Variants in CCZ1 observed in about 807,000 individuals in gnomAD.
CCZ1 encodes vacuolar fusion protein CCZ1 homolog.
Under a neutral mutation model 57.8 loss-of-function variants are expected in CCZ1, and 19 were observed. The observed-to-expected ratio is 0.33, with a 90% CI of 0.23 to 0.48. CCZ1 has a LOEUF of 0.48. Among genes scored for constraint, CCZ1 ranks in the 20% least tolerant of loss-of-function variants. CCZ1 has a pLI of 0.99. For missense variants in CCZ1, 200 were observed against 492.0 expected, an observed-to-expected ratio of 0.41 and a Z score of 5.61; for synonymous variants, 81 against 167.0, an observed-to-expected ratio of 0.49 and a Z score of 3.97.
intron 10 of CCZ1, among the ~76,000 whole-genome samples, chr7:5,916,510 T>G (rs143500248): frequency 0.018 from 241 of 13,312 alleles, 6 homozygotes; most frequent in African/African-American, 0.049. Flanking sequence ...TTTTTGTTTT[T>G]TTTTTTTTTG....
At chr7:5,906,418 G>A (rs1307201886) in intron 7 of CCZ1, among the ~76,000 whole-genome samples, 4 of 146,872 alleles carry the variant, frequency 2.7e-5, no homozygotes, top group Non-Finnish European at 4.5e-5. Context: ...CCCTTCCTGG[G>A]TTCAAGCGAT....
rs753074982 is a variant in CCZ1 at position 5,911,843 on chromosome 7, C to T, written c.781-18C>T. ...AAAAAGTCTGATAAGTCATTCTCAA[C>T]ATTAAATGTATTTGCAGTTAGCAGG... On this transcript the variant is annotated intron_variant, in intron 8 of 14. Transcript: ENST00000325974. 2 of 1,529,634 alleles carry T rather than the reference C, an allele frequency of 1.3e-6. No homozygotes were observed. Among genetic ancestry groups the T allele is most frequent in the Non-Finnish European group, 1.8e-6 (2 of 1,127,432 alleles). 94.8% of individuals were successfully genotyped at this position (1,529,634 alleles called of 1,614,324 possible). A position where few individuals can be genotyped will look rare whatever the true frequency, so the allele number is the denominator to read the frequency against.
chr7:5,910,712 T>TTTATTG (rs1412284908), intron 8 of CCZ1, among the ~76,000 whole-genome samples: 1 of 97,758 alleles, frequency 1.0e-5, no homozygotes, highest in Non-Finnish European at 2.2e-5. Context: ...TTTATTTTAT[T>TTTATTG]TATTTATTTA....
chr7:5,911,360 G>T (rs1781974755), intron 8 of CCZ1, among the ~76,000 whole-genome samples: 1 of 148,778 alleles, frequency 6.7e-6, no homozygotes, highest in Non-Finnish European at 1.5e-5. Flanking sequence ...AAGAGACGAG[G>T]TCTCACTTTG....
intron 1 of CCZ1, among the ~76,000 whole-genome samples, chr7:5,899,334 GGTGTGTGTGT>G (rs869199583): frequency 2.5e-3 from 32 of 12,574 alleles, no homozygotes; most frequent in South Asian, 5.1e-3. Context: ...TCGGGAGGGG[GGTGTGTGTGT>G]GTGTGTGTGT....
intron 12 of CCZ1, among the ~76,000 whole-genome samples, chr7:5,920,971 T>TTTA (rs1779231214): frequency 9.7e-6 from 1 of 102,570 alleles, no homozygotes; most frequent in African/African-American, 4.2e-5. Flanking sequence ...TTTTTTTTTT[T>TTTA]AAGACAGAGT....
intron 6 of CCZ1, among the ~76,000 whole-genome samples, chr7:5,903,253 T>C (rs1238461404): frequency 6.9e-6 from 1 of 144,928 alleles, no homozygotes; most frequent in Non-Finnish European, 1.5e-5. Context: ...AATTGAATTT[T>C]GCATGTTTCA....
chr7:5,905,654 T>C (rs1781794164), intron 7 of CCZ1, among the ~76,000 whole-genome samples: 2 of 143,456 alleles, frequency 1.4e-5, no homozygotes, highest in African/African-American at 2.6e-5. Context: ...TGGTGGTGCA[T>C]GCCTGTAATC....
rs544907391 is a variant in CCZ1, at chr7:5,903,198, T to G, written c.522+454T>G. Reference sequence around the variant, plus strand: ...CTGGCCTTGACAGACTTTGTCAGATTAGCGATTGGGGAGATTTGTTCCAAG... The same window carrying G: ...CTGGCCTTGACAGACTTTGTCAGATGAGCGATTGGGGAGATTTGTTCCAAG... On this transcript the variant is annotated intron_variant, in intron 6 of 14. Transcript: ENST00000325974. Among the ~76,000 whole-genome samples, 14 of 148,674 alleles carry G rather than the reference T, an allele frequency of 9.4e-5. 2 individuals carry two copies. The South Asian group carries it at 3.1e-3, about 33-fold the overall frequency.
intron 4 of CCZ1, chr7:5,901,353 C>G: frequency 4.0e-6 from 1 of 248,760 alleles, no homozygotes; most frequent in South Asian, 7.2e-5. Flanking sequence ...GGGATGGTGG[C>G]GCACACCTGT....
chr7:5,904,473 C>T (rs1205792562), intron 6 of CCZ1, among the ~76,000 whole-genome samples: 3 of 145,108 alleles, frequency 2.1e-5, no homozygotes, highest in East Asian at 2.3e-4. Flanking sequence ...ACGAGAATCA[C>T]GGAGGCCAGA....
At chr7:5,913,155 T>G (rs999394463) in intron 10 of CCZ1, among the ~76,000 whole-genome samples, 5 of 147,620 alleles carry the variant, frequency 3.4e-5, no homozygotes, top group African/African-American at 1.3e-4. Flanking sequence ...TTGTTATTAG[T>G]GAAAGAGGAA....
At chr7:5,909,596 G>A (rs964413884) in intron 7 of CCZ1, among the ~76,000 whole-genome samples, 1 of 148,318 alleles carries the variant, frequency 6.7e-6, no homozygotes, top group African/African-American at 2.5e-5. Context: ...CTAGTCTGGA[G>A]GCTGAGATGG....
At chr7:5,908,081 C>G (rs888963707) in intron 7 of CCZ1, among the ~76,000 whole-genome samples, 5 of 141,398 alleles carry the variant, frequency 3.5e-5, no homozygotes, top group African/African-American at 5.4e-5. Context: ...GTACTCCAGC[C>G]TGGGTGACAG....
chr7:5,917,957 TC>T (rs1779171389), intron 10 of CCZ1: 1 of 147,904 alleles, frequency 6.8e-6, no homozygotes, highest in South Asian at 2.1e-4. Context: ...AGACAGGATT[TC>T]GCTCTCGGAA....
chr7:5,920,950 GGTT>G (rs1264285121), intron 12 of CCZ1, among the ~76,000 whole-genome samples: 4 of 85,572 alleles, frequency 4.7e-5, no homozygotes, highest in Admixed American at 1.0e-4. Context: ...TTGTTTTTTG[GGTT>G]TTTTTTTTTT....
At chr7:5,902,099 G>T (rs541735418) in intron 5 of CCZ1, 10 of 205,306 alleles carry the variant, frequency 4.9e-5, no homozygotes, top group Non-Finnish European at 8.7e-5. Context: ...TTCAGGACCA[G>T]TCTGGGCAAT....
chr7:5,913,910 G>A (rs1037986086), intron 10 of CCZ1, among the ~76,000 whole-genome samples: 2 of 138,658 alleles, frequency 1.4e-5, no homozygotes, highest in African/African-American at 2.6e-5. Flanking sequence ...AGTGGCTAAC[G>A]TGGATGTCTG....
rs774362008 is a variant in CCZ1 at position 5,905,926 on chromosome 7, T to C, written c.698+657T>C. Reference sequence around the variant, plus strand: ...CCTTTTTTTTTTTTTTTCTTTCTTATAGAGACGGGGTTTACTGTGTTGCCC... The same window carrying C: ...CCTTTTTTTTTTTTTTTCTTTCTTACAGAGACGGGGTTTACTGTGTTGCCC... On this transcript the variant is annotated intron_variant, in intron 7 of 14. Coordinates refer to ENST00000325974, the MANE Select transcript of CCZ1 (RefSeq NM_015622.6). 1.5e-5 allele frequency among the ~76,000 whole-genome samples: 2 copies of C among 131,164 alleles called. 1 individual carries two copies. The highest frequency in any genetic ancestry group is 3.1e-5 in the Non-Finnish European group (2 of 63,670). The allele number at this position is 131,164 out of a possible 152,430, so 86.0% of individuals were successfully genotyped here. A position where few individuals can be genotyped will look rare whatever the true frequency, so the allele number is the denominator to read the frequency against.
Sources: gnomAD v4.1 joint callset for allele counts (sites outside exome capture counted in the v4.1 genomes callset) on GRCh38, gnomAD v4.1.1 for gene constraint, MANE v1.5 for transcripts, NCBI Gene and HGNC (gene_info 2026-07-23, HGNC 2026-07-21) for gene names.